EPC2: variants seen among roughly 807,000 people sequenced by gnomAD.
The protein encoded by EPC2 is enhancer of polycomb homolog 2.
EPC2 carries 14 observed loss-of-function variants against 92.1 expected under a neutral mutation model. That is an observed-to-expected ratio of 0.15 (90% CI 0.10 to 0.24). The LOEUF (loss-of-function observed/expected upper bound fraction) is 0.24, where lower values mean the gene tolerates loss of function less well. Ranked by LOEUF, EPC2 falls within the 10% of genes least tolerant of loss-of-function variation. The pLI, the probability that EPC2 is intolerant of heterozygous loss-of-function variation, is 1.00. For synonymous variants in EPC2, 340 were observed against 334.7 expected, an observed-to-expected ratio of 1.02 and a Z score of -0.17; for missense variants, 755 against 971.5, an observed-to-expected ratio of 0.78 and a Z score of 2.96.
chr2:148,767,234 G>A (rs1181744601), intron 7 of EPC2, among the ~76,000 whole-genome samples: 1 of 151,478 alleles, frequency 6.6e-6, no homozygotes, highest in Non-Finnish European at 1.5e-5. Context: ...ACTGTAGGGT[G>A]CTATGACCTA....
chr2:148,662,053 A>C (rs551277845), intron 1 of EPC2, among the ~76,000 whole-genome samples: 1 of 152,238 alleles, frequency 6.6e-6, no homozygotes. Context: ...GCAGCCAAAA[A>C]ACACATGAAA....
At chr2:148,738,920 G>C (rs114610986) in intron 2 of EPC2, among the ~76,000 whole-genome samples, 2 of 152,168 alleles carry the variant, frequency 1.3e-5, no homozygotes, top group African/African-American at 4.8e-5. Context: ...ATGCTGGTTG[G>C]TCACTGAGAG....
intron 12 of EPC2, 104 bp downstream of exon 12, chr2:148,783,860 C>A: frequency 9.1e-7 from 1 of 1,098,776 alleles, no homozygotes; most frequent in Non-Finnish European, 1.3e-6. Context: ...GTGTATAAGT[C>A]AATCAGGACT....
chr2:148,707,664 C>T (rs1014910708), intron 2 of EPC2, among the ~76,000 whole-genome samples: 4 of 152,158 alleles, frequency 2.6e-5, no homozygotes, highest in African/African-American at 9.7e-5. Flanking sequence ...CACCACAGTG[C>T]AATCAAATTA....
intron 2 of EPC2, among the ~76,000 whole-genome samples, chr2:148,695,026 C>T (rs1681717769): frequency 1.3e-5 from 2 of 152,240 alleles, no homozygotes; most frequent in Admixed American, 1.3e-4. Context: ...GATCTGCCCA[C>T]CTTGGCCTCC....
intron 1 of EPC2, among the ~76,000 whole-genome samples, chr2:148,689,421 G>A (rs368843631): frequency 3.3e-5 from 5 of 152,122 alleles, no homozygotes; most frequent in East Asian, 1.9e-4. Context: ...CTTTTGATCC[G>A]CCCATCTTGG....
intron 4 of EPC2, among the ~76,000 whole-genome samples, chr2:148,760,233 G>A (rs927805714): frequency 6.6e-6 from 1 of 151,998 alleles, no homozygotes; most frequent in Non-Finnish European, 1.5e-5. Flanking sequence ...CTCCAGCCTG[G>A]GCAACAGAGT....
In EPC2 at chr2:148,786,645, A is replaced by G. The variant is rs1683873639; in HGVS notation, c.*268A>G. The G allele has an allele frequency of 3.6e-6, 1 of 278,500 alleles. No individual in the cohort carries two copies. The highest frequency in any genetic ancestry group is 6.7e-6 in the Non-Finnish European group (1 of 148,982). 17.3% of individuals were successfully genotyped at this position (278,500 alleles called of 1,614,324 possible). A position where few individuals can be genotyped will look rare whatever the true frequency, so the allele number is the denominator to read the frequency against. On this transcript the variant is annotated 3_prime_UTR_variant, in exon 14 of 14. Transcript: ENST00000258484. ...ATCATGCTTTTGCACTTGAATTTGC[A>G]ACTGAATGGATTTTAAAAAATAATT...
rs386355293 is a variant in EPC2 at position 148,644,836 on chromosome 2, G to GA, written c.-182_-181insA. 1 of 397,156 alleles carries GA rather than the reference G, an allele frequency of 2.5e-6. No homozygotes were observed. The highest frequency in any genetic ancestry group is 4.0e-6 in the Non-Finnish European group (1 of 248,468). The allele number at this position is 397,156 out of a possible 1,614,324, so 24.6% of individuals were successfully genotyped here. ...CTAGTGTGTGGAGGCGGCCGCGGGC[G>GA]CGGGGGGCTGTTTTCGGGCGGGGTG... On this transcript the variant is annotated 5_prime_UTR_variant, in exon 1 of 14. Coordinates refer to ENST00000258484, the MANE Select transcript of EPC2 (RefSeq NM_015630.4).
chr2:148,732,967 C>T (rs10928413), intron 2 of EPC2, among the ~76,000 whole-genome samples: 111,619 of 122,402 alleles, frequency 0.91, 50,493 homozygotes, highest in East Asian at 0.96. Flanking sequence ...TTTTTTTTTT[C>T]CAGTTAATAA....
intron 4 of EPC2, among the ~76,000 whole-genome samples, chr2:148,760,401 A>G (rs1683280239): frequency 6.6e-6 from 1 of 152,220 alleles, no homozygotes; most frequent in African/African-American, 2.4e-5. Flanking sequence ...GCCAGCTGGC[A>G]TGTAACCTCA....
chr2:148,649,752 A>G (rs973037866), intron 1 of EPC2, among the ~76,000 whole-genome samples: 1 of 152,238 alleles, frequency 6.6e-6, no homozygotes, highest in African/African-American at 2.4e-5. Context: ...ACCATGCTGC[A>G]TATTCAGGGT....
At position 148,645,012 on chromosome 2, in the gene EPC2, G is replaced by A. The variant is rs1352988074; in HGVS notation, c.-6G>A. On this transcript the variant is annotated 5_prime_UTR_variant, in exon 1 of 14. Transcript: ENST00000258484. ...GCCCGGGCTGTTCCTGTAAGGCGGG[G>A]AGACAATGAGTAAACTCTCCTTCCG... 1 of 1,549,382 alleles carries A rather than the reference G, an allele frequency of 6.5e-7. No individual in the cohort carries two copies. The highest frequency in any genetic ancestry group is 8.7e-7 in the Non-Finnish European group (1 of 1,145,956).
At chr2:148,685,714 C>T (rs1281474534) in intron 1 of EPC2, among the ~76,000 whole-genome samples, 2 of 152,166 alleles carry the variant, frequency 1.3e-5, no homozygotes, top group African/African-American at 4.8e-5. Flanking sequence ...CTGCAGTGAG[C>T]CAAGATTGCG....
chr2:148,754,747 C>T (rs191139817), intron 4 of EPC2, among the ~76,000 whole-genome samples: 6 of 152,120 alleles, frequency 3.9e-5, no homozygotes, highest in East Asian at 3.9e-4. Context: ...CAGTTGTGTT[C>T]GATTTCAAAT....
intron 4 of EPC2, among the ~76,000 whole-genome samples, chr2:148,760,072 A>C (rs4972296): frequency 6.6e-6 from 1 of 152,010 alleles, no homozygotes; most frequent in East Asian, 1.9e-4. Flanking sequence ...GTGAAATCCC[A>C]TCTCTTCTAA....
intron 1 of EPC2, among the ~76,000 whole-genome samples, chr2:148,672,766 C>T (rs1300005630): frequency 2.0e-5 from 3 of 152,036 alleles, no homozygotes; most frequent in Admixed American, 1.3e-4. Context: ...CTCTATTTGC[C>T]TATATATTTA....
chr2:148,733,218 A>T (rs1257011600), intron 2 of EPC2, among the ~76,000 whole-genome samples: 2 of 151,898 alleles, frequency 1.3e-5, no homozygotes, highest in African/African-American at 2.4e-5. Flanking sequence ...GGCCTAGAGG[A>T]AACCATACCA....
At chr2:148,716,962 T>G (rs1342444473) in intron 2 of EPC2, among the ~76,000 whole-genome samples, 1 of 152,180 alleles carries the variant, frequency 6.6e-6, no homozygotes, top group East Asian at 1.9e-4. Flanking sequence ...CCTGGTTCAG[T>G]CTTTGGAGGG....
Sources: gnomAD v4.1 joint callset for allele counts (sites outside exome capture counted in the v4.1 genomes callset) on GRCh38, gnomAD v4.1.1 for gene constraint, MANE v1.5 for transcripts, NCBI Gene and HGNC (gene_info 2026-07-23, HGNC 2026-07-21) for gene names.